Variants in RCAN1 observed in about 807,000 individuals in gnomAD.
The protein encoded by RCAN1 is calcipressin-1.
Under a neutral mutation model 22.9 loss-of-function variants are expected in RCAN1, and 11 were observed. The ratio of observed to expected loss-of-function variants is 0.48; its 90% CI spans 0.30 to 0.79. The LOEUF (loss-of-function observed/expected upper bound fraction) is 0.79. Among genes scored for constraint, RCAN1 ranks in the 30% least tolerant of loss-of-function variants. The pLI, the probability that RCAN1 is intolerant of heterozygous loss-of-function variation, is 0.06. For synonymous variants in RCAN1, 136 were observed against 142.3 expected (o/e 0.96, Z 0.32); for missense variants, 291 against 337.8 (o/e 0.86, Z 1.09).
chr21:34,535,301 A>G (rs2123612562), intron 1 of RCAN1, among the ~76,000 whole-genome samples: 1 of 152,308 alleles, frequency 6.6e-6, no homozygotes, highest in South Asian at 2.1e-4. Context: ...TTTTAGGGCA[A>G]TCAGGAAATG....
intron 1 of RCAN1, among the ~76,000 whole-genome samples, chr21:34,529,714 T>C (rs3819808): frequency 0.092 from 13,997 of 152,236 alleles, 904 homozygotes; most frequent in East Asian, 0.25. Flanking sequence ...GTCAGTGATC[T>C]GAAGAAAGCA....
intron 1 of RCAN1, among the ~76,000 whole-genome samples, chr21:34,583,127 A>C (rs183183449): frequency 6.6e-6 from 1 of 151,714 alleles, no homozygotes; most frequent in Admixed American, 6.6e-5. Flanking sequence ...TATGTGTTGA[A>C]GCCCTAACCA....
At chr21:34,537,639 A>G (rs541837548) in intron 1 of RCAN1, among the ~76,000 whole-genome samples, 1 of 152,314 alleles carries the variant, frequency 6.6e-6, no homozygotes, top group African/African-American at 2.4e-5. Flanking sequence ...AGGGCATTTC[A>G]ATTTGTGGCT....
intron 1 of RCAN1, among the ~76,000 whole-genome samples, chr21:34,608,848 G>T (rs1041833843): frequency 2.0e-5 from 3 of 152,104 alleles, no homozygotes; most frequent in Non-Finnish European, 4.4e-5. Context: ...GGAAACCAAG[G>T]CATCGGTAGG....
chr21:34,519,393 CTTTCTTTTT>C (rs974319717), intron 3 of RCAN1, among the ~76,000 whole-genome samples: 2 of 114,444 alleles, frequency 1.7e-5, no homozygotes, highest in African/African-American at 6.0e-5. Flanking sequence ...TTCTTTCTTT[CTTTCTTTTT>C]TTTTTTTTTT....
intron 1 of RCAN1, among the ~76,000 whole-genome samples, chr21:34,571,084 G>A (rs554765036): frequency 2.0e-5 from 3 of 152,092 alleles, no homozygotes; most frequent in Admixed American, 6.5e-5. Context: ...ACCTGAAGTC[G>A]GGAGTTCGAG....
chr21:34,601,817 CAAA>C (rs202036960), intron 1 of RCAN1, among the ~76,000 whole-genome samples: 7 of 83,376 alleles, frequency 8.4e-5, no homozygotes, highest in African/African-American at 3.3e-4. Context: ...GACTCTGTCT[CAAA>C]AAAAAAAAAA....
At chr21:34,565,058 C>G (rs1327749987) in intron 1 of RCAN1, among the ~76,000 whole-genome samples, 1 of 151,952 alleles carries the variant, frequency 6.6e-6, no homozygotes, top group African/African-American at 2.4e-5. Context: ...AACAAACAAA[C>G]AAAACCAGTC....
At chr21:34,525,460 A>G in intron 1 of RCAN1, 1 of 1,329,510 alleles carries the variant, frequency 7.5e-7, no homozygotes, top group Non-Finnish European at 9.8e-7. Flanking sequence ...GAGCACGGGC[A>G]AGTTTCTGGC....
chr21:34,518,463 T>G lies in RCAN1; in HGVS notation c.587-207A>C, dbSNP rs1419295791. On this transcript the variant is annotated intron_variant, in intron 3 of 3. Coordinates refer to ENST00000313806, the MANE Select transcript of RCAN1 (RefSeq NM_004414.7). The surrounding 1 kb of genome is among the most constrained non-coding windows in gnomAD (Gnocchi z 4.2). ...GATTTCCATTGTGCATGACTCTGTT[T>G]TTAGTCAAACATTCTGGGAGTCCAG... 1.3e-5 allele frequency among the ~76,000 whole-genome samples: 2 copies of G among 152,252 alleles called. No individual in the cohort carries two copies. Among genetic ancestry groups the G allele is most frequent in the African/African-American group, 4.8e-5 (2 of 41,472 alleles).
At chr21:34,521,469 G>C in intron 3 of RCAN1, 30 bp downstream of exon 3, 2 of 1,613,712 alleles carry the variant, frequency 1.2e-6, no homozygotes, top group South Asian at 1.1e-5. Context: ...GTCTCCCCCT[G>C]CCTCCCTCCC....
chr21:34,563,547 T>C (rs747139106), intron 1 of RCAN1, among the ~76,000 whole-genome samples: 13 of 151,906 alleles, frequency 8.6e-5, no homozygotes, highest in African/African-American at 2.9e-4. Flanking sequence ...CAGAACTGCA[T>C]TGAACTTAGC....
At chr21:34,554,783 T>C (rs9984840) in intron 1 of RCAN1, among the ~76,000 whole-genome samples, 102,751 of 152,124 alleles carry the variant, frequency 0.68, 35,814 homozygotes, top group African/African-American at 0.84. Flanking sequence ...CACAGTTCCA[T>C]GTAACTGGGA....
chr21:34,614,677 A>C lies in RCAN1; in HGVS notation c.252+83T>G. Reference sequence around the variant, plus strand: ...CCTCCCCGCCCCGCGCGCGGCCGGGACTGGGCGCTGCGACCCGCGCCGCCT... The same window carrying C: ...CCTCCCCGCCCCGCGCGCGGCCGGGCCTGGGCGCTGCGACCCGCGCCGCCT... On this transcript the variant is annotated intron_variant, in intron 1 of 3. Coordinates refer to ENST00000313806, the MANE Select transcript of RCAN1 (RefSeq NM_004414.7). This position sits in a 1 kb window ranked among gnomAD's most constrained non-coding sequence, Gnocchi z 6.0. The C allele has an allele frequency of 5.7e-6, 7 of 1,228,264 alleles. No homozygotes were observed. The highest frequency in any genetic ancestry group is 4.1e-6 in the Non-Finnish European group (4 of 978,590). The allele number at this position is 1,228,264 out of a possible 1,614,324, so 76.1% of individuals were successfully genotyped here.
Position 34,563,819 on chromosome 21 carries a change from A to AGG in RCAN1, c.253-40111_253-40110dup, listed in dbSNP as rs1555863484. Among the ~76,000 whole-genome samples, 377 of 138,650 alleles carry AGG rather than the reference A, an allele frequency of 2.7e-3. 7 individuals carry two copies. Among genetic ancestry groups the AGG allele is most frequent in the African/African-American group, 8.9e-3 (323 of 36,198 alleles). The allele number at this position is 138,650 out of a possible 152,430, so 91.0% of individuals were successfully genotyped here. ...TAGAGAGAGAGAGAGAGAGAGAGAGAGGCAGGCATGGTGGCAGGTGCCTAT... is the reference window on the plus strand; with the variant it reads ...TAGAGAGAGAGAGAGAGAGAGAGAGAGGGGCAGGCATGGTGGCAGGTGCCTAT... On this transcript the variant is annotated intron_variant, in intron 1 of 3. Coordinates refer to ENST00000313806, the MANE Select transcript of RCAN1 (RefSeq NM_004414.7).
intron 1 of RCAN1, among the ~76,000 whole-genome samples, chr21:34,571,762 G>A (rs1300239168): frequency 3.3e-5 from 5 of 152,122 alleles, no homozygotes; most frequent in Admixed American, 6.5e-5. Flanking sequence ...TGCTCAGGCT[G>A]GTCTCGAACT....
At chr21:34,520,987 G>C (rs1054724867) in intron 3 of RCAN1, 10 of 827,478 alleles carry the variant, frequency 1.2e-5, no homozygotes, top group Non-Finnish European at 3.0e-6. Flanking sequence ...ACAGGCCCTG[G>C]GGTAGGGCAG....
At chr21:34,538,104 T>C (rs1601151406) in intron 1 of RCAN1, among the ~76,000 whole-genome samples, 1 of 152,206 alleles carries the variant, frequency 6.6e-6, no homozygotes, top group African/African-American at 2.4e-5. Context: ...CACTTACAGA[T>C]TTCTACAGAA....
chr21:34,554,745 T>C (rs1986490912), intron 1 of RCAN1, among the ~76,000 whole-genome samples: 1 of 152,152 alleles, frequency 6.6e-6, no homozygotes, highest in Non-Finnish European at 1.5e-5. Flanking sequence ...CACTGGGCAA[T>C]TTACAAAAGA....
Sources: gnomAD v4.1 joint callset for allele counts (sites outside exome capture counted in the v4.1 genomes callset) on GRCh38, gnomAD v4.1.1 for gene constraint, Gnocchi (gnomAD v3.1) non-coding constraint, MANE v1.5 for transcripts, NCBI Gene and HGNC (gene_info 2026-07-23, HGNC 2026-07-21) for gene names.